The following ELP4 variants were observed in gnomAD, a reference collection of about 807,000 sequenced individuals.
ELP4 encodes the protein elongator acetyltransferase complex subunit 4.
Under a neutral mutation model 48.9 loss-of-function variants are expected in ELP4, and 51 were observed. That is an observed-to-expected ratio of 1.04 (90% CI 0.83 to 1.32). The LOEUF (loss-of-function observed/expected upper bound fraction) is 1.32. ELP4 is among the 40% of genes most tolerant of loss of function. ELP4 has a pLI of 0.00. For synonymous variants in ELP4, 210 were observed against 189.2 expected (o/e 1.11, Z -0.90); for missense variants, 519 against 514.6 (o/e 1.01, Z -0.08).
At chr11:31,644,366 G>T (rs533590501) in intron 7 of ELP4, among the ~76,000 whole-genome samples, 1 of 151,700 alleles carries the variant, frequency 6.6e-6, no homozygotes, top group Non-Finnish European at 1.5e-5. Flanking sequence ...AGTAATTGAC[G>T]TACAAATGCC....
chr11:31,749,225 C>G (rs559199145), intron 9 of ELP4, among the ~76,000 whole-genome samples: 119 of 152,202 alleles, frequency 7.8e-4, no homozygotes, highest in Non-Finnish European at 1.2e-3. Context: ...AAGAAATGCA[C>G]AGGACATATT....
chr11:31,566,158 G>T (rs540262323), intron 3 of ELP4, among the ~76,000 whole-genome samples: 2 of 152,124 alleles, frequency 1.3e-5, no homozygotes, highest in African/African-American at 4.8e-5. Flanking sequence ...AGGAGTTCGA[G>T]ACCAGCCTGG....
chr11:31,585,817 G>T (rs780865211), intron 3 of ELP4, among the ~76,000 whole-genome samples: 4 of 152,140 alleles, frequency 2.6e-5, no homozygotes, highest in Non-Finnish European at 4.4e-5. Flanking sequence ...AGAAGACCAG[G>T]CATGATGGCT....
chr11:31,619,799 C>G (rs1944580305), intron 5 of ELP4, among the ~76,000 whole-genome samples: 1 of 151,740 alleles, frequency 6.6e-6, no homozygotes, highest in Non-Finnish European at 1.5e-5. Flanking sequence ...GTTATTTTTC[C>G]TGATCCTCTC....
At chr11:31,545,203 T>A (rs937136358) in intron 3 of ELP4, among the ~76,000 whole-genome samples, 11 of 152,032 alleles carry the variant, frequency 7.2e-5, no homozygotes, top group African/African-American at 2.4e-4. Flanking sequence ...AGGAGGAAAT[T>A]CAAACCAAAG....
intron 5 of ELP4, among the ~76,000 whole-genome samples, chr11:31,605,030 G>A (rs995828021): frequency 6.6e-6 from 1 of 151,984 alleles, no homozygotes; most frequent in Non-Finnish European, 1.5e-5. Flanking sequence ...GAAATTCACA[G>A]AATTGATTTA....
At chr11:31,772,472 C>T (rs1250893995) in intron 9 of ELP4, among the ~76,000 whole-genome samples, 1 of 152,100 alleles carries the variant, frequency 6.6e-6, no homozygotes, top group African/African-American at 2.4e-5. Flanking sequence ...AGTCTCTCCT[C>T]GAGTCATCTA....
intron 9 of ELP4, among the ~76,000 whole-genome samples, chr11:31,660,152 T>C (rs2134088799): frequency 6.6e-6 from 1 of 152,306 alleles, no homozygotes; most frequent in East Asian, 1.9e-4. Context: ...GATCAATAGT[T>C]ATTTAAAAGG....
At chr11:31,582,808 T>C (rs1957411668) in intron 3 of ELP4, among the ~76,000 whole-genome samples, 1 of 152,126 alleles carries the variant, frequency 6.6e-6, no homozygotes, top group African/African-American at 2.4e-5. Context: ...AGGAATCCTT[T>C]AGTCTCCCCA....
chr11:31,789,845 T>G lies in ELP4; in HGVS notation c.*6321T>G. On this transcript the variant is annotated 3_prime_UTR_variant, in exon 10 of 10. Transcript: ENST00000640961. ...AGCGGCTCTAACAGCCATTTTTCTT[T>G]CTTTCCTGAAAGCTCAACTGTTGTG... is the stretch of plus-strand genomic sequence containing the variant. 8.1e-7 allele frequency: 1 copy of G among 1,234,450 alleles called. No homozygotes were observed. Among genetic ancestry groups the G allele is most frequent in the South Asian group, 1.3e-5 (1 of 78,080 alleles). The allele number at this position is 1,234,450 out of a possible 1,614,324, so 76.5% of individuals were successfully genotyped here. A position where few individuals can be genotyped will look rare whatever the true frequency, so the allele number is the denominator to read the frequency against.
At chr11:31,564,761 C>G (rs1592120848) in intron 3 of ELP4, among the ~76,000 whole-genome samples, 1 of 152,172 alleles carries the variant, frequency 6.6e-6, no homozygotes, top group Non-Finnish European at 1.5e-5. Context: ...ACCACATTTT[C>G]TTAATCCAGT....
At chr11:31,617,839 T>A (rs1944526900) in intron 5 of ELP4, among the ~76,000 whole-genome samples, 1 of 151,632 alleles carries the variant, frequency 6.6e-6, no homozygotes, top group Admixed American at 6.6e-5. Context: ...GACAAGGATG[T>A]GAAGAAATCA....
chr11:31,560,415 T>C (rs1354685644), intron 3 of ELP4, among the ~76,000 whole-genome samples: 1 of 151,982 alleles, frequency 6.6e-6, no homozygotes, highest in African/African-American at 2.4e-5. Flanking sequence ...AGGGACACTT[T>C]TAATACTTAA....
chr11:31,584,676 C>G (rs193049236), intron 3 of ELP4, among the ~76,000 whole-genome samples: 2 of 151,972 alleles, frequency 1.3e-5, no homozygotes, highest in Non-Finnish European at 2.9e-5. Context: ...TACACGCACC[C>G]GCCATTTTTT....
chr11:31,650,907 A>G (rs1294772271), intron 9 of ELP4: 2 of 151,774 alleles, frequency 1.3e-5, no homozygotes, highest in Non-Finnish European at 2.9e-5. Flanking sequence ...TTATCAGTAT[A>G]GTCGGTGCAA....
At chr11:31,688,778 GATAGGAA>G (rs1427436156) in intron 9 of ELP4, among the ~76,000 whole-genome samples, 1 of 152,182 alleles carries the variant, frequency 6.6e-6, no homozygotes, top group Non-Finnish European at 1.5e-5. Flanking sequence ...GTGCCTTTGA[GATAGGAA>G]ATTGTGAGAG....
chr11:31,533,702 T>C (rs2973906), intron 2 of ELP4, among the ~76,000 whole-genome samples: 2 of 151,612 alleles, frequency 1.3e-5, no homozygotes, highest in African/African-American at 4.9e-5. Flanking sequence ...AAGTTTTAAG[T>C]AGGGAAATGA....
intron 3 of ELP4, among the ~76,000 whole-genome samples, chr11:31,547,270 T>C (rs1174390635): frequency 2.0e-5 from 3 of 151,260 alleles, no homozygotes; most frequent in Non-Finnish European, 2.9e-5. Flanking sequence ...GAGAGAAGAA[T>C]CAAATAGACG....
intron 1 of ELP4, chr11:31,512,579 T>A (rs1324429590): frequency 6.6e-6 from 1 of 152,216 alleles, no homozygotes; most frequent in Non-Finnish European, 1.5e-5. Flanking sequence ...ATTGTTTAAA[T>A]TCCCAGATTA....
Sources: allele counts gnomAD v4.1 joint callset (sites outside exome capture counted in the v4.1 genomes callset), GRCh38; gene constraint gnomAD v4.1.1; transcripts MANE v1.5; gene names NCBI Gene and HGNC (gene_info 2026-07-23, HGNC 2026-07-21).